Variants in RIOK2 observed in about 807,000 individuals in gnomAD.
The protein encoded by RIOK2 is serine/threonine-protein kinase RIO2.
In RIOK2, 46 loss-of-function variants were observed where a neutral mutation model predicts 62.4. The ratio of observed to expected loss-of-function variants is 0.74; its 90% CI spans 0.58 to 0.94. The LOEUF (loss-of-function observed/expected upper bound fraction) is 0.94, where lower values mean the gene tolerates loss of function less well. Ranked by LOEUF, RIOK2 falls within the 40% of genes least tolerant of loss-of-function variation. The probability of loss-of-function intolerance (pLI) is 0.00; values close to 1 mark genes in which losing one functional copy is unlikely to be tolerated. For missense variants in RIOK2, 574 were observed against 658.0 expected (o/e 0.87, Z 1.40); for synonymous variants, 197 against 216.0 (o/e 0.91, Z 0.77).
rs1748690961 is a variant in RIOK2, at chr5:97,161,330, T to C, written c.*1731A>G. 6.6e-6 allele frequency: 1 copy of C among 152,254 alleles called. No homozygotes were observed. Among genetic ancestry groups the C allele is most frequent in the South Asian group, 2.1e-4 (1 of 4,834 alleles). The allele number at this position is 152,254 out of a possible 1,614,324, so 9.4% of individuals were successfully genotyped here. On this transcript the variant is annotated 3_prime_UTR_variant, in exon 10 of 10. Transcript: ENST00000283109. ...GAATTTGTTTTTGTTCATTGTTCAC[T>C]ATGCATGTTTTAAAATGTGAGGGTT...
intron 6 of RIOK2, among the ~76,000 whole-genome samples, chr5:97,170,635 C>T (rs1198546857): frequency 6.6e-6 from 1 of 152,066 alleles, no homozygotes; most frequent in Non-Finnish European, 1.5e-5. Context: ...GGTTCCATGG[C>T]TAAGAAAATT....
At chr5:97,178,461 C>T (rs1417419245) in intron 2 of RIOK2, among the ~76,000 whole-genome samples, 1 of 150,486 alleles carries the variant, frequency 6.6e-6, no homozygotes, top group Non-Finnish European at 1.5e-5. Flanking sequence ...GCAGTACCTA[C>T]ATGCTCTTCT....
At chr5:97,181,915 A>G (rs149612306) in intron 1 of RIOK2, among the ~76,000 whole-genome samples, 1 of 152,328 alleles carries the variant, frequency 6.6e-6, no homozygotes, top group East Asian at 1.9e-4. Context: ...CAAAGTAAAC[A>G]TTGTCTTCCA....
At chr5:97,180,608 A>G (rs1210578897) in intron 1 of RIOK2, among the ~76,000 whole-genome samples, 1 of 152,200 alleles carries the variant, frequency 6.6e-6, no homozygotes, top group Non-Finnish European at 1.5e-5. Flanking sequence ...CGTGGGAGAC[A>G]CACGAACAGG....
At position 97,163,156 on chromosome 5, in the gene RIOK2, G is replaced by A; in HGVS notation, c.1564C>T (p.Gln522Ter). Residue 522 changes from glutamine to a stop codon, truncating the protein, a stop_gained, in exon 10 of 10, where the codon CAG becomes TAG. Coordinates refer to ENST00000283109, the MANE Select transcript of RIOK2 (RefSeq NM_018343.3). LOFTEE classifies it high-confidence loss of function. ...QQKSAVRRRL[Q>*]KGEANIFTKQ... ...GTAAATATATTTGCTTCTCCTTTCT[G>A]CAATCGACGTCTGACAGCTGATTTT... is the stretch of plus-strand genomic sequence containing the variant. 1.2e-6 allele frequency: 2 copies of A among 1,613,456 alleles called. No individual in the cohort carries two copies. Among genetic ancestry groups the A allele is most frequent in the Non-Finnish European group, 8.5e-7 (1 of 1,179,734 alleles).
chr5:97,181,710 T>G (rs73778025), intron 1 of RIOK2, among the ~76,000 whole-genome samples: 1,880 of 152,308 alleles, frequency 0.012, 40 homozygotes, highest in African/African-American at 0.043. Context: ...AACCTTAACT[T>G]TTAAATTTAA....
intron 5 of RIOK2, 143 bp from the exon 6 acceptor site, chr5:97,171,540 A>G: frequency 2.2e-6 from 1 of 450,560 alleles, no homozygotes; most frequent in East Asian, 3.5e-5. Flanking sequence ...GCACACAGAT[A>G]TAATATCTCC....
At chr5:97,167,428 C>G in intron 8 of RIOK2, 39 bp downstream of exon 8, 1 of 1,588,282 alleles carries the variant, frequency 6.3e-7, no homozygotes. Flanking sequence ...GTATCAGTCT[C>G]AAGACTAAAG....
In RIOK2 at chr5:97,162,813, A is replaced by G. The variant is rs939423854; in HGVS notation, c.*248T>C. ...CAACAAAAATGTTATTTAGATTTTT[A>G]AAAATATGCAAATGTCTCTAATAAA... On this transcript the variant is annotated 3_prime_UTR_variant, in exon 10 of 10. Transcript: ENST00000283109. 5 of 394,630 alleles carry G rather than the reference A, an allele frequency of 1.3e-5. No homozygotes were observed. The highest frequency in any genetic ancestry group is 2.2e-5 in the Non-Finnish European group (5 of 223,230). 24.4% of individuals were successfully genotyped at this position (394,630 alleles called of 1,614,324 possible).
At chr5:97,176,930 G>A (rs1473664737) in intron 4 of RIOK2, 186 bp downstream of exon 4, 5 of 548,202 alleles carry the variant, frequency 9.1e-6, no homozygotes, top group African/African-American at 3.8e-5. Context: ...ATACCTTAAC[G>A]TAGAAGGAAA....
At chr5:97,169,550 T>C (rs1403156877) in intron 6 of RIOK2, among the ~76,000 whole-genome samples, 1 of 152,284 alleles carries the variant, frequency 6.6e-6, no homozygotes, top group African/African-American at 2.4e-5. Context: ...GACAGGATAA[T>C]GTGCAATTGA....
At chr5:97,178,132 T>C (rs1749221772) in intron 2 of RIOK2, among the ~76,000 whole-genome samples, 1 of 152,210 alleles carries the variant, frequency 6.6e-6, no homozygotes, top group Non-Finnish European at 1.5e-5. Context: ...TTTATGTCTG[T>C]TTTTGTATAT....
chr5:97,180,027 A>ATAATATATATATTATATATATATTAT (rs1328576768), intron 1 of RIOK2, among the ~76,000 whole-genome samples: 6 of 63,444 alleles, frequency 9.5e-5, no homozygotes, highest in Non-Finnish European at 6.0e-5. Context: ...ATATATATAT[A>ATAATATATATATTATATATATATTAT]ATATATATAT....
In RIOK2 at chr5:97,171,392, T is replaced by C. The variant is rs1561518101; in HGVS notation, c.593A>G (p.Gln198Arg). ...MELINGYPLC[Q>R]IHHVEDPASV... ...TGCAGGATCTTCAACATGGTGTATCTGACATCTGAAAGTATTTTAAGCATG... is the reference window on the plus strand; with the variant it reads ...TGCAGGATCTTCAACATGGTGTATCCGACATCTGAAAGTATTTTAAGCATG... Residue 198 changes from glutamine (Q) to arginine (R), a missense_variant, in exon 6 of 10, where the codon CAG (glutamine) becomes CGG (arginine). Physicochemically the swap from Gln to Arg is conservative, Grantham distance 43. Transcript: ENST00000283109. The C allele has an allele frequency of 3.9e-6, 6 of 1,524,848 alleles. No individual in the cohort carries two copies. The highest frequency in any genetic ancestry group is 5.3e-6 in the Non-Finnish European group (6 of 1,134,880). The allele number at this position is 1,524,848 out of a possible 1,614,324, so 94.5% of individuals were successfully genotyped here. A position where few individuals can be genotyped will look rare whatever the true frequency, so the allele number is the denominator to read the frequency against.
intron 9 of RIOK2, among the ~76,000 whole-genome samples, chr5:97,164,613 C>T (rs570377904): frequency 9.3e-4 from 141 of 152,100 alleles, no homozygotes; most frequent in Admixed American, 2.7e-3. Context: ...CCTTATAATC[C>T]TCACAGTGAC....
chr5:97,177,811 A>G lies in RIOK2; in HGVS notation c.243T>C (p.Asp81=), dbSNP rs779827861. The stretch of plus-strand genomic sequence containing the variant: ...AAGAAAGTGTTTTCAAAGCTAGGTA[A>G]TCATATCCTGCATTTGTCAACCGAT... ...QGYRLTNAGY[D]YLALKTLSSR... is the part of the protein sequence containing the mutation. Residue 81 remains aspartate, a synonymous_variant, in exon 3 of 10, where the codon GAT becomes GAC. Transcript: ENST00000283109. 17 of 1,613,504 alleles carry G rather than the reference A, an allele frequency of 1.1e-5. No homozygotes were observed. The African/African-American group carries it at 1.1e-4, about 10-fold the overall frequency.
chr5:97,177,971 G>C, intron 2 of RIOK2, 123 bp from the exon 3 acceptor site: 1 of 627,400 alleles, frequency 1.6e-6, no homozygotes, highest in Non-Finnish European at 2.8e-6. Context: ...AAACTGCCCA[G>C]GCTCACAAGC....
intron 2 of RIOK2, 89 bp from the exon 3 acceptor site, chr5:97,177,937 A>G (rs1749216402): frequency 1.3e-6 from 1 of 774,922 alleles, no homozygotes; most frequent in Admixed American, 2.5e-5. Flanking sequence ...AGATTTAACA[A>G]TAAAGTCTTC....
In RIOK2 at chr5:97,171,386, T is replaced by A; in HGVS notation, c.599A>T (p.His200Leu). The A allele has an allele frequency of 6.5e-7, 1 of 1,530,896 alleles. No individual in the cohort carries two copies. Among genetic ancestry groups the A allele is most frequent in the African/African-American group, 1.4e-5 (1 of 71,776 alleles). The allele number at this position is 1,530,896 out of a possible 1,614,324, so 94.8% of individuals were successfully genotyped here. ...TACTGATGCAGGATCTTCAACATGGTGTATCTGACATCTGAAAGTATTTTA... is the reference window on the plus strand; with the variant it reads ...TACTGATGCAGGATCTTCAACATGGAGTATCTGACATCTGAAAGTATTTTA... ...LINGYPLCQIHHVEDPASVYD... is the reference protein window; with the variant it reads ...LINGYPLCQILHVEDPASVYD... The change falls in exon 6 of 10, where the codon CAC (histidine) becomes CTC (leucine). Residue 200 changes from histidine to leucine, a missense_variant. Coordinates refer to ENST00000283109, the MANE Select transcript of RIOK2 (RefSeq NM_018343.3).
Sources: allele counts gnomAD v4.1 joint callset (sites outside exome capture counted in the v4.1 genomes callset), GRCh38; gene constraint gnomAD v4.1.1; transcripts MANE v1.5; gene names NCBI Gene and HGNC (gene_info 2026-07-23, HGNC 2026-07-21).